Variants in DLG2 observed in about 807,000 individuals in gnomAD.
DLG2 encodes discs large MAGUK scaffold protein 2, also known as disks large homolog 2.
Under a neutral mutation model 132.5 loss-of-function variants are expected in DLG2, and 45 were observed. That is an observed-to-expected ratio of 0.34 (90% confidence interval 0.27 to 0.44). The LOEUF is 0.44. Ranked by LOEUF, DLG2 falls within the 20% of genes least tolerant of loss-of-function variation. The pLI, the probability that DLG2 is intolerant of heterozygous loss-of-function variation, is 1.00. For missense variants in DLG2, 1,045 were observed against 1,196.9 expected, an observed-to-expected ratio of 0.87 and a Z score of 1.87; for synonymous variants, 424 against 419.6, an observed-to-expected ratio of 1.01 and a Z score of -0.13.
intron 7 of DLG2, among the ~76,000 whole-genome samples, chr11:84,277,019 A>G (rs1323453912): frequency 6.6e-6 from 1 of 152,220 alleles, no homozygotes; most frequent in Non-Finnish European, 1.5e-5. Context: ...TCCAGGCCAT[A>G]TTCCAGAAAG....
At chr11:84,616,562 A>T (rs1011868406) in intron 6 of DLG2, among the ~76,000 whole-genome samples, 1 of 152,120 alleles carries the variant, frequency 6.6e-6, no homozygotes. Flanking sequence ...TCTCACAGTG[A>T]TGATGTGATA....
chr11:85,119,533 T>C (rs1463963976), intron 5 of DLG2, among the ~76,000 whole-genome samples: 1 of 152,066 alleles, frequency 6.6e-6, no homozygotes. Flanking sequence ...GAATGGGCTG[T>C]AATTGTACTT....
At chr11:84,497,325 G>C (rs1206187028) in intron 7 of DLG2, among the ~76,000 whole-genome samples, 1 of 152,120 alleles carries the variant, frequency 6.6e-6, no homozygotes, top group Non-Finnish European at 1.5e-5. Flanking sequence ...AGCTAAGTAA[G>C]TAGGAGAGCT....
intron 4 of DLG2, among the ~76,000 whole-genome samples, chr11:85,266,930 G>A (rs1489368823): frequency 2.0e-5 from 3 of 152,138 alleles, no homozygotes; most frequent in African/African-American, 4.8e-5. Context: ...TCCATTCTGG[G>A]TAATAACAGT....
rs529218021 is a variant in DLG2, at chr11:84,356,314, T to C, written c.520-105023A>G. ...AAACATTTACTGAGTATCCACCATA[T>C]GTGAGGCATTGTTCTAAGCCCTGTG... is the stretch of plus-strand genomic sequence containing the variant. On this transcript the variant is annotated intron_variant, in intron 7 of 27. Coordinates refer to ENST00000376104, the MANE Select transcript of DLG2 (RefSeq NM_001142699.3). Among the ~76,000 whole-genome samples the C allele has an allele frequency of 3.2e-4, 48 of 152,258 alleles. No homozygotes were observed. The South Asian group carries it at 7.0e-3, about 22-fold the overall frequency.
At chr11:85,564,415 AGT>A (rs2077419144) in intron 3 of DLG2, among the ~76,000 whole-genome samples, 1 of 151,562 alleles carries the variant, frequency 6.6e-6, no homozygotes, top group Non-Finnish European at 1.5e-5. Context: ...ATCCATTTTG[AGT>A]TATTTTTCAA....
intron 16 of DLG2, 34 bp from the exon 17 acceptor site, chr11:83,833,804 G>T (rs1412132056): frequency 1.3e-6 from 2 of 1,599,088 alleles, no homozygotes; most frequent in Non-Finnish European, 1.7e-6. Flanking sequence ...AGCTCAGAGG[G>T]TGATCCATTT....
At chr11:85,037,054 C>T (rs1405801871) in intron 6 of DLG2, among the ~76,000 whole-genome samples, 1 of 152,188 alleles carries the variant, frequency 6.6e-6, no homozygotes, top group Admixed American at 6.5e-5. Flanking sequence ...CGTGGTGCAG[C>T]CTGCCAGCTC....
chr11:85,071,571 G>C (rs1380583992), intron 6 of DLG2, among the ~76,000 whole-genome samples: 1 of 151,758 alleles, frequency 6.6e-6, no homozygotes, highest in African/African-American at 2.4e-5. Flanking sequence ...CTGGAAATAT[G>C]CAAGTGCTTC....
At chr11:85,498,814 G>A (rs1056714991) in intron 3 of DLG2, among the ~76,000 whole-genome samples, 16 of 151,986 alleles carry the variant, frequency 1.1e-4, no homozygotes, top group Non-Finnish European at 2.1e-4. Flanking sequence ...ACAACTACAT[G>A]GAAACTGAAC....
intron 8 of DLG2, among the ~76,000 whole-genome samples, chr11:84,169,289 T>C (rs1306484130): frequency 6.6e-6 from 1 of 151,858 alleles, no homozygotes; most frequent in African/African-American, 2.4e-5. Flanking sequence ...TAAATAATAT[T>C]ACACATGTTA....
At chr11:84,487,663 G>T (rs1303041200) in intron 7 of DLG2, among the ~76,000 whole-genome samples, 2 of 152,070 alleles carry the variant, frequency 1.3e-5, no homozygotes, top group Non-Finnish European at 2.9e-5. Flanking sequence ...ATGCTCAAAA[G>T]CTAGTAAGAA....
intron 6 of DLG2, among the ~76,000 whole-genome samples, chr11:84,942,897 G>A (rs2049646430): frequency 6.6e-6 from 1 of 152,156 alleles, no homozygotes; most frequent in East Asian, 1.9e-4. Context: ...ATATCTGGGT[G>A]CTCCACTGTT....
intron 3 of DLG2, among the ~76,000 whole-genome samples, chr11:85,344,411 C>A (rs539947366): frequency 1.3e-5 from 2 of 151,984 alleles, no homozygotes; most frequent in Non-Finnish European, 2.9e-5. Context: ...AGCCTAATGA[C>A]GGACAGAGGC....
intron 11 of DLG2, 45 bp from the exon 12 acceptor site, chr11:83,980,687 T>G (rs753881918): frequency 6.9e-7 from 1 of 1,452,638 alleles, no homozygotes. Context: ...TTTGTTGTTG[T>G]AGTTGTTTTT....
chr11:85,436,353 T>C (rs1597336348), intron 3 of DLG2, among the ~76,000 whole-genome samples: 2 of 152,048 alleles, frequency 1.3e-5, no homozygotes, highest in Middle Eastern at 3.4e-3. Flanking sequence ...CAAAAGAAAC[T>C]ATTACAGAGC....
intron 16 of DLG2, among the ~76,000 whole-genome samples, chr11:83,843,697 T>C (rs1226569963): frequency 6.6e-6 from 1 of 152,176 alleles, no homozygotes; most frequent in African/African-American, 2.4e-5. Context: ...AGGATTGTCC[T>C]CTACAGGTCG....
chr11:83,830,191 G>A (rs1170109839), intron 17 of DLG2, among the ~76,000 whole-genome samples: 2 of 152,188 alleles, frequency 1.3e-5, no homozygotes, highest in Non-Finnish European at 2.9e-5. Context: ...AAACGGATAT[G>A]CTGTGTGAAC....
At chr11:84,011,653 A>G (rs115029522) in intron 11 of DLG2, among the ~76,000 whole-genome samples, 3,255 of 152,164 alleles carry the variant, frequency 0.021, 92 homozygotes, top group African/African-American at 0.066. Context: ...AATAATAAAA[A>G]TAATCTGGAT....
Sources: allele counts gnomAD v4.1 joint callset (sites outside exome capture counted in the v4.1 genomes callset), GRCh38; gene constraint gnomAD v4.1.1; transcripts MANE v1.5; gene names NCBI Gene and HGNC (gene_info 2026-07-23, HGNC 2026-07-21).